STK4: variants seen among roughly 807,000 people sequenced by gnomAD.
STK4 encodes the protein serine/threonine kinase 4, also known as serine/threonine-protein kinase 4.
A neutral mutation model predicts 64.9 loss-of-function variants in STK4; 30 were observed. The observed-to-expected ratio is 0.46, with a 90% CI of 0.35 to 0.63. The LOEUF is 0.63. STK4 is among the 20% of genes least tolerant of loss of function. The pLI, the probability that STK4 is intolerant of heterozygous loss-of-function variation, is 0.01. For synonymous variants in STK4, 177 were observed against 199.0 expected, an observed-to-expected ratio of 0.89 and a Z score of 0.93; for missense variants, 466 against 598.5, an observed-to-expected ratio of 0.78 and a Z score of 2.31.
intron 9 of STK4, among the ~76,000 whole-genome samples, chr20:45,017,803 T>A (rs570417826): frequency 6.6e-6 from 1 of 152,184 alleles, no homozygotes; most frequent in Admixed American, 6.5e-5. Context: ...TGGATTTAGC[T>A]CTCTTTGAAT....
At chr20:45,065,435 G>T (rs1568769178) in intron 10 of STK4, among the ~76,000 whole-genome samples, 1 of 151,880 alleles carries the variant, frequency 6.6e-6, no homozygotes, top group East Asian at 1.9e-4. Flanking sequence ...GTTTTTTGGT[G>T]GTTGTTGTTG....
intron 9 of STK4, among the ~76,000 whole-genome samples, chr20:45,003,841 C>T (rs1442532920): frequency 1.3e-5 from 2 of 150,966 alleles, no homozygotes; most frequent in Non-Finnish European, 3.0e-5. Context: ...CTCAGCCTCC[C>T]GAGTAGCTGC....
intron 10 of STK4, chr20:45,053,233 G>A: frequency 6.8e-7 from 1 of 1,461,212 alleles, no homozygotes; most frequent in Non-Finnish European, 9.5e-7. Context: ...TTCTGCTGGT[G>A]GATCGTGCTA....
chr20:45,075,333 C>T lies in STK4; in HGVS notation c.*157C>T. On this transcript the variant is annotated 3_prime_UTR_variant, in exon 11 of 11. Transcript: ENST00000372806. ...GCGCCAGTGGGAAGGGCTCTCTTGA[C>T]AGTCAGCGTGCCATCTTGATGTGTG... 2.2e-6 allele frequency: 2 copies of T among 904,916 alleles called. No homozygotes were observed. Among genetic ancestry groups the T allele is most frequent in the Non-Finnish European group, 3.3e-6 (2 of 608,286 alleles). 56.1% of individuals were successfully genotyped at this position (904,916 alleles called of 1,614,324 possible).
chr20:45,050,027 T>C (rs2068753030), intron 10 of STK4, among the ~76,000 whole-genome samples: 1 of 152,166 alleles, frequency 6.6e-6, no homozygotes, highest in Non-Finnish European at 1.5e-5. Context: ...TGAGAATCCG[T>C]TTGGCCACAT....
chr20:45,067,067 G>C (rs919223983), intron 10 of STK4, among the ~76,000 whole-genome samples: 1 of 152,156 alleles, frequency 6.6e-6, no homozygotes, highest in Non-Finnish European at 1.5e-5. Context: ...CATCAAGAAA[G>C]AGTAAGTATC....
chr20:45,068,548 A>G (rs534815389), intron 10 of STK4, among the ~76,000 whole-genome samples: 11 of 152,304 alleles, frequency 7.2e-5, no homozygotes, highest in African/African-American at 2.6e-4. Flanking sequence ...CACTAGTGGC[A>G]TTTCTGAATG....
intron 4 of STK4, among the ~76,000 whole-genome samples, chr20:44,982,593 TCA>T (rs2067461543): frequency 6.6e-6 from 1 of 152,236 alleles, no homozygotes; most frequent in Non-Finnish European, 1.5e-5. Context: ...CCTAGCGTGT[TCA>T]CAAATTAAAT....
intron 1 of STK4, among the ~76,000 whole-genome samples, chr20:44,970,776 C>T (rs1248753001): frequency 1.3e-5 from 2 of 152,016 alleles, no homozygotes; most frequent in Non-Finnish European, 2.9e-5. Context: ...TAAGATTGTC[C>T]TTCTGAGATC....
chr20:45,073,815 G>A (rs1352085344), intron 10 of STK4, among the ~76,000 whole-genome samples: 1 of 152,092 alleles, frequency 6.6e-6, no homozygotes, highest in Non-Finnish European at 1.5e-5. Context: ...GAAGAGAGAG[G>A]CTTATAACAC....
intron 9 of STK4, among the ~76,000 whole-genome samples, chr20:45,020,105 A>G (rs2068215684): frequency 6.6e-6 from 1 of 152,206 alleles, no homozygotes; most frequent in Non-Finnish European, 1.5e-5. Flanking sequence ...TTCAAGTCCC[A>G]TCCTTGTTGG....
intron 9 of STK4, among the ~76,000 whole-genome samples, chr20:45,011,915 C>A (rs1291008216): frequency 6.6e-6 from 1 of 151,278 alleles, no homozygotes; most frequent in African/African-American, 2.4e-5. Flanking sequence ...CTATCCAGGT[C>A]TTTGATCCTG....
At chr20:44,991,258 G>T (rs942399931) in intron 5 of STK4, among the ~76,000 whole-genome samples, 2 of 152,104 alleles carry the variant, frequency 1.3e-5, no homozygotes, top group East Asian at 1.9e-4. Flanking sequence ...TTGGATGTTG[G>T]GTGCCCATTA....
intron 9 of STK4, among the ~76,000 whole-genome samples, chr20:45,002,103 T>G (rs2067851907): frequency 6.6e-6 from 1 of 152,222 alleles, no homozygotes; most frequent in Non-Finnish European, 1.5e-5. Context: ...GATTTGTTAG[T>G]AATGTTCATT....
chr20:44,997,801 A>G (rs1368204019), intron 7 of STK4, among the ~76,000 whole-genome samples: 1 of 152,240 alleles, frequency 6.6e-6, no homozygotes, highest in Non-Finnish European at 1.5e-5. Context: ...CAATAATGTA[A>G]GAAAATACAG....
intron 10 of STK4, among the ~76,000 whole-genome samples, chr20:45,027,205 A>C (rs1460674785): frequency 6.6e-6 from 1 of 152,086 alleles, no homozygotes; most frequent in African/African-American, 2.4e-5. Context: ...AAGGCCGGTC[A>C]ATCACCTTAG....
intron 9 of STK4, among the ~76,000 whole-genome samples, chr20:45,021,495 T>C (rs68119487): frequency 0.26 from 38,983 of 152,208 alleles, 5,675 homozygotes; most frequent in Middle Eastern, 0.43. Context: ...CTGGAATCAC[T>C]AAATACAAGG....
At chr20:45,038,870 C>A (rs2068568547) in intron 10 of STK4, among the ~76,000 whole-genome samples, 1 of 151,520 alleles carries the variant, frequency 6.6e-6, no homozygotes, top group Non-Finnish European at 1.5e-5. Flanking sequence ...AAAACAAAAA[C>A]AAATGAGTAA....
chr20:44,995,421 C>G (rs1003007355), intron 6 of STK4, among the ~76,000 whole-genome samples, 164 bp downstream of exon 6: 1 of 151,992 alleles, frequency 6.6e-6, no homozygotes, highest in Non-Finnish European at 1.5e-5. Context: ...ACCTGGCCAA[C>G]ATGGTGAAAC....
Sources: gnomAD v4.1 joint callset for allele counts (sites outside exome capture counted in the v4.1 genomes callset) on GRCh38, gnomAD v4.1.1 for gene constraint, MANE v1.5 for transcripts, NCBI Gene and HGNC (gene_info 2026-07-23, HGNC 2026-07-21) for gene names.